The following MARK1 variants were observed in gnomAD, a reference collection of about 807,000 sequenced individuals.
MARK1 encodes microtubule affinity regulating kinase 1.
In MARK1, 40 loss-of-function variants were observed where a neutral mutation model predicts 96.3. That is an observed-to-expected ratio of 0.42 (90% confidence interval 0.32 to 0.54). The LOEUF (loss-of-function observed/expected upper bound fraction) is 0.54, where lower values mean the gene tolerates loss of function less well. Among genes scored for constraint, MARK1 ranks in the 20% least tolerant of loss-of-function variants. The probability of loss-of-function intolerance (pLI) is 0.16; values close to 1 mark genes in which losing one functional copy is unlikely to be tolerated. For synonymous variants in MARK1, 317 were observed against 341.2 expected, an observed-to-expected ratio of 0.93 and a Z score of 0.78; for missense variants, 719 against 984.6, an observed-to-expected ratio of 0.73 and a Z score of 3.61.
intron 6 of MARK1, among the ~76,000 whole-genome samples, chr1:220,609,289 A>T (rs1666284440): frequency 6.6e-6 from 1 of 152,172 alleles, no homozygotes; most frequent in African/African-American, 2.4e-5. Context: ...TGTTGAATTG[A>T]TCCCTTTACC....
intron 3 of MARK1, among the ~76,000 whole-genome samples, chr1:220,586,022 C>T (rs1413681367): frequency 1.3e-5 from 2 of 150,190 alleles, no homozygotes; most frequent in African/African-American, 5.0e-5. Flanking sequence ...CGCGCGCGTG[C>T]GCAGAGAGAG....
At chr1:220,560,834 G>A (rs1662619232) in intron 1 of MARK1, among the ~76,000 whole-genome samples, 1 of 152,192 alleles carries the variant, frequency 6.6e-6, no homozygotes, top group Non-Finnish European at 1.5e-5. Context: ...TCACAGATAA[G>A]CTGGGAATAC....
chr1:220,587,027 C>T (rs1572131561), intron 3 of MARK1, among the ~76,000 whole-genome samples: 2 of 152,090 alleles, frequency 1.3e-5, no homozygotes, highest in Non-Finnish European at 1.5e-5. Context: ...TAATTGAAGA[C>T]CCATGTGTCA....
chr1:220,549,194 T>A (rs1661700240), intron 1 of MARK1, among the ~76,000 whole-genome samples: 1 of 152,208 alleles, frequency 6.6e-6, no homozygotes, highest in Non-Finnish European at 1.5e-5. Context: ...TGGGTTCAAA[T>A]CCTAGCTCTA....
intron 9 of MARK1, among the ~76,000 whole-genome samples, chr1:220,624,499 G>A (rs972333938): frequency 8.6e-5 from 13 of 151,168 alleles, no homozygotes; most frequent in Non-Finnish European, 5.9e-5. Context: ...TCCAGAGGCT[G>A]AGGCAGGAGA....
intron 1 of MARK1, among the ~76,000 whole-genome samples, chr1:220,567,074 T>A (rs928739027): frequency 1.3e-5 from 2 of 152,190 alleles, no homozygotes; most frequent in African/African-American, 4.8e-5. Context: ...TATGTATATA[T>A]AAGCAAATAC....
intron 1 of MARK1, 123 bp downstream of exon 1, chr1:220,528,996 G>A (rs942791436): frequency 5.8e-5 from 53 of 919,590 alleles, no homozygotes; most frequent in Non-Finnish European, 7.6e-5. Flanking sequence ...GTCTCCACCT[G>A]GAGCCCGGCG....
At chr1:220,529,618 G>A (rs1454236334) in intron 1 of MARK1, among the ~76,000 whole-genome samples, 1 of 152,150 alleles carries the variant, frequency 6.6e-6, no homozygotes, top group Non-Finnish European at 1.5e-5. Context: ...CTCCTCCTTG[G>A]AGTGTCACAA....
chr1:220,528,301 C>T lies in MARK1; in HGVS notation c.-522C>T, dbSNP rs1404722756. The stretch of plus-strand genomic sequence containing the variant: ...GCGCCGGGGGATCGGGCGCCGCCGC[C>T]GCTGGGCCCCGGGCGCGTGGATGCG... On this transcript the variant is annotated 5_prime_UTR_variant, in exon 1 of 18. Transcript: ENST00000366917. 1 of 151,450 alleles carries T rather than the reference C, an allele frequency of 6.6e-6. No individual in the cohort carries two copies. Among genetic ancestry groups the T allele is most frequent in the African/African-American group, 2.4e-5 (1 of 41,342 alleles). 9.4% of individuals were successfully genotyped at this position (151,450 alleles called of 1,614,324 possible).
chr1:220,556,801 C>G (rs1331043600), intron 1 of MARK1, among the ~76,000 whole-genome samples: 1 of 152,078 alleles, frequency 6.6e-6, no homozygotes, highest in Admixed American at 6.6e-5. Flanking sequence ...GCAGATTATT[C>G]CCAGCCAAAG....
In MARK1 at chr1:220,618,430, C is replaced by T; in HGVS notation, c.673C>T (p.Pro225Ser). ...TTGTGGAAGCCCACCCTATGCTGCTCCCGAGCTTTTCCAAGGAAAGAAGTA... is the reference window on the plus strand; with the variant it reads ...TTGTGGAAGCCCACCCTATGCTGCTTCCGAGCTTTTCCAAGGAAAGAAGTA... ...TFCGSPPYAA[P>S]ELFQGKKYDG... The change falls in exon 8 of 18, where the codon CCC becomes TCC. Residue 225 changes from proline (P) to serine (S), a missense_variant. Around this residue, in one of 4 missense-constraint regions of MARK1, gnomAD observed 96 missense variants for 213.1 expected, o/e 0.45. Transcript: ENST00000366917. This position sits in a 1 kb window ranked among gnomAD's most constrained non-coding sequence, Gnocchi z 4.6. The T allele has an allele frequency of 6.2e-7, 1 of 1,614,132 alleles. No homozygotes were observed. Among genetic ancestry groups the T allele is most frequent in the Non-Finnish European group, 8.5e-7 (1 of 1,180,012 alleles).
intron 15 of MARK1, among the ~76,000 whole-genome samples, chr1:220,652,793 C>T (rs1255300296): frequency 3.3e-5 from 5 of 152,054 alleles, no homozygotes; most frequent in Non-Finnish European, 5.9e-5. Context: ...TTGTGTTCAA[C>T]ATTGCTAAGT....
rs1361402229 is a variant in MARK1, at chr1:220,579,404, G to A, written c.102G>A (p.Ser34=). 2 of 1,614,006 alleles carry A rather than the reference G, an allele frequency of 1.2e-6. No individual in the cohort carries two copies. The highest frequency in any genetic ancestry group is 8.5e-7 in the Non-Finnish European group (1 of 1,179,962). Residue 34 remains serine, a synonymous_variant, in exon 2 of 18, where the codon TCG becomes TCA. Transcript: ENST00000366917. ...YTEPHIQPTK[S]SSRQNIPRCR... is the part of the protein sequence containing the mutation. ...AACCACACATCCAGCCTACCAAGTC[G>A]AGTAGCAGACAGAACATCCCCCGGT...
Position 220,551,316 on chromosome 1 carries a change from T to A in MARK1, c.51+22443T>A, listed in dbSNP as rs74348428. Among the ~76,000 whole-genome samples the A allele has an allele frequency of 8.6e-3, 1,305 of 152,338 alleles. 16 individuals are homozygous for A. The highest frequency in any genetic ancestry group is 0.029 in the African/African-American group (1,194 of 41,582). On this transcript the variant is annotated intron_variant, in intron 1 of 17. Transcript: ENST00000366917. The stretch of plus-strand genomic sequence containing the variant: ...GCATATAAATGGTTACTGTTTTCAT[T>A]TCTGCCTTCTTAATCTTGTGCAAAT...
At chr1:220,613,232 A>G (rs1428766791) in intron 6 of MARK1, among the ~76,000 whole-genome samples, 3 of 152,218 alleles carry the variant, frequency 2.0e-5, no homozygotes, top group Admixed American at 2.0e-4. Flanking sequence ...CAGAAGGCAG[A>G]ACTTCTTTCA....
chr1:220,635,026 T>G (rs529523571), intron 11 of MARK1, among the ~76,000 whole-genome samples: 76 of 152,316 alleles, frequency 5.0e-4, no homozygotes, highest in African/African-American at 1.8e-3. Context: ...ATCATAGGTT[T>G]GTTGTGATGA....
At chr1:220,566,915 A>G (rs1663099188) in intron 1 of MARK1, among the ~76,000 whole-genome samples, 1 of 152,124 alleles carries the variant, frequency 6.6e-6, no homozygotes, top group Non-Finnish European at 1.5e-5. Flanking sequence ...CTTAGAAACT[A>G]ACTACTTAAT....
intron 1 of MARK1, among the ~76,000 whole-genome samples, chr1:220,577,215 A>G (rs1663923395): frequency 6.6e-6 from 1 of 152,136 alleles, no homozygotes; most frequent in African/African-American, 2.4e-5. Flanking sequence ...TGCAGTGAGC[A>G]GTGATCGTGC....
chr1:220,607,277 T>C (rs1282210595), intron 6 of MARK1, among the ~76,000 whole-genome samples: 1 of 152,198 alleles, frequency 6.6e-6, no homozygotes, highest in East Asian at 1.9e-4. Context: ...TTATTCTCTT[T>C]GTAGCAATTG....
Sources: gnomAD v4.1 joint callset for allele counts (sites outside exome capture counted in the v4.1 genomes callset) on GRCh38, gnomAD v4.1.1 for gene constraint, gnomAD v4.1.1 regional missense constraint, Gnocchi (gnomAD v3.1) non-coding constraint, MANE v1.5 for transcripts, NCBI Gene and HGNC (gene_info 2026-07-23, HGNC 2026-07-21) for gene names.